Variants in ANKDD1B observed in about 807,000 individuals in gnomAD.
ANKDD1B encodes the protein ankyrin repeat and death domain containing 1B, also known as ankyrin repeat and death domain-containing protein 1B.
Under a neutral mutation model 59.7 loss-of-function variants are expected in ANKDD1B, and 57 were observed. The ratio of observed to expected loss-of-function variants is 0.95; its 90% CI spans 0.77 to 1.19. The LOEUF (loss-of-function observed/expected upper bound fraction) is 1.19, where lower values mean the gene tolerates loss of function less well. ANKDD1B is among the 50% of genes most tolerant of loss of function. The probability of loss-of-function intolerance (pLI) is 0.00; values close to 1 mark genes in which losing one functional copy is unlikely to be tolerated. For missense variants in ANKDD1B, 602 were observed against 641.9 expected, an observed-to-expected ratio of 0.94 and a Z score of 0.67; for synonymous variants, 216 against 239.5, an observed-to-expected ratio of 0.90 and a Z score of 0.91.
intron 7 of ANKDD1B, among the ~76,000 whole-genome samples, chr5:75,647,433 T>C (rs1459877812): frequency 7.8e-6 from 1 of 127,478 alleles, no homozygotes; most frequent in Admixed American, 7.3e-5. Flanking sequence ...CATCAAAAAG[T>C]GGGCAAAGGA....
rs1348830577 is a variant in ANKDD1B, at chr5:75,669,281, AGG to A, written c.1425_1426del (p.Arg475SerfsTer15). 8.1e-7 allele frequency: 1 copy of A among 1,232,044 alleles called. No homozygotes were observed. The highest frequency in any genetic ancestry group is 1.0e-6 in the Non-Finnish European group (1 of 987,970). The allele number at this position is 1,232,044 out of a possible 1,614,324, so 76.3% of individuals were successfully genotyped here. On this transcript the variant is annotated frameshift_variant, in exon 13 of 14. Transcript: ENST00000601380. LOFTEE classifies it high-confidence loss of function. Reference sequence around the variant, plus strand: ...TGAAAGCTTCCGTGAACATGGCCACAGGGCTCTGCTTATCTGGCTACACGGGA... The same window carrying A: ...TGAAAGCTTCCGTGAACATGGCCACAGCTCTGCTTATCTGGCTACACGGGA... The part of the protein sequence containing the change: ...GNESFREHGH[R>X]ALLIWLHGTL...
At chr5:75,649,343 C>A (rs1774758707) in intron 7 of ANKDD1B, among the ~76,000 whole-genome samples, 1 of 150,540 alleles carries the variant, frequency 6.6e-6, no homozygotes, top group African/African-American at 2.5e-5. Flanking sequence ...TGAAAAAATG[C>A]AACCTACAAA....
intron 5 of ANKDD1B, among the ~76,000 whole-genome samples, chr5:75,627,756 C>T (rs10060260): frequency 0.21 from 31,243 of 152,010 alleles, 3,329 homozygotes; most frequent in South Asian, 0.39. Flanking sequence ...GCCCTGATTG[C>T]TTCCATGAAA....
chr5:75,658,083 G>GC (rs1775021327), intron 9 of ANKDD1B, among the ~76,000 whole-genome samples: 1 of 151,862 alleles, frequency 6.6e-6, no homozygotes. Context: ...TGTAGTCTCA[G>GC]CTACTCAGGA....
At chr5:75,660,674 A>G (rs1286472204) in intron 10 of ANKDD1B, among the ~76,000 whole-genome samples, 1 of 152,228 alleles carries the variant, frequency 6.6e-6, no homozygotes, top group Non-Finnish European at 1.5e-5. Context: ...CCCTGGGTAC[A>G]GTCCTGTCAG....
rs1773563899 is a variant in ANKDD1B at position 75,611,748 on chromosome 5, G to T, written c.114G>T (p.Leu38=). ...LREDLWGAAA[L]PWRSLSRIPK... The stretch of plus-strand genomic sequence containing the variant: ...AAGACCTGTGGGGCGCGGCCGCCCT[G>T]CCTTGGAGGAGCCTGTCCCGGATCC... Residue 38 remains leucine, a synonymous_variant, in exon 1 of 14, where the codon CTG becomes CTT. Transcript: ENST00000601380. 1.6e-6 allele frequency: 2 copies of T among 1,231,932 alleles called. No homozygotes were observed. The highest frequency in any genetic ancestry group is 4.2e-5 in the Admixed American group (1 of 23,712). The allele number at this position is 1,231,932 out of a possible 1,614,324, so 76.3% of individuals were successfully genotyped here. A position where few individuals can be genotyped will look rare whatever the true frequency, so the allele number is the denominator to read the frequency against.
chr5:75,620,499 C>A, intron 3 of ANKDD1B, 86 bp downstream of exon 3: 2 of 705,240 alleles, frequency 2.8e-6, no homozygotes, highest in Admixed American at 2.8e-5. Flanking sequence ...CTTTTCTTCA[C>A]ATACACACAA....
At chr5:75,627,077 C>G (rs137909595) in intron 5 of ANKDD1B, among the ~76,000 whole-genome samples, 136 of 152,256 alleles carry the variant, frequency 8.9e-4, no homozygotes, top group Middle Eastern at 3.4e-3. Context: ...TTGACTTCCT[C>G]TACATATGAT....
chr5:75,635,626 A>G (rs1774278566), intron 6 of ANKDD1B, 158 bp from the exon 7 acceptor site: 1 of 417,214 alleles, frequency 2.4e-6, no homozygotes, highest in Non-Finnish European at 4.2e-6. Flanking sequence ...TTAAAAATGT[A>G]TAAATTTCAC....
intron 5 of ANKDD1B, among the ~76,000 whole-genome samples, chr5:75,634,158 C>T (rs1774235752): frequency 6.6e-6 from 1 of 152,166 alleles, no homozygotes; most frequent in Non-Finnish European, 1.5e-5. Context: ...AGGTCTTTCA[C>T]TTTTCTTGAT....
At chr5:75,628,828 C>T (rs746872059) in intron 5 of ANKDD1B, among the ~76,000 whole-genome samples, 2 of 152,168 alleles carry the variant, frequency 1.3e-5, no homozygotes, top group Admixed American at 6.5e-5. Context: ...GAGATTAGAG[C>T]AGCCAGGAGT....
chr5:75,654,464 C>G (rs1307321151), intron 8 of ANKDD1B, among the ~76,000 whole-genome samples: 1 of 152,120 alleles, frequency 6.6e-6, no homozygotes, highest in Non-Finnish European at 1.5e-5. Flanking sequence ...GTGTTTAAAA[C>G]AGAGTATAAA....
chr5:75,628,131 G>A (rs924452), intron 5 of ANKDD1B, among the ~76,000 whole-genome samples: 40,728 of 151,988 alleles, frequency 0.27, 5,862 homozygotes, highest in South Asian at 0.43. Context: ...AGAAAACACA[G>A]AAAAAATCTA....
intron 5 of ANKDD1B, among the ~76,000 whole-genome samples, chr5:75,630,946 T>A (rs975668154): frequency 6.6e-6 from 1 of 152,234 alleles, no homozygotes; most frequent in Admixed American, 6.5e-5. Context: ...TGTCATTAAA[T>A]GTTTATATAT....
At position 75,669,264 on chromosome 5, in the gene ANKDD1B, T is replaced by G; in HGVS notation, c.1406T>G (p.Phe469Cys). 1 of 1,232,108 alleles carries G rather than the reference T, an allele frequency of 8.1e-7. No individual in the cohort carries two copies. Among genetic ancestry groups the G allele is most frequent in the Admixed American group, 4.2e-5 (1 of 23,714 alleles). 76.3% of individuals were successfully genotyped at this position (1,232,108 alleles called of 1,614,324 possible). ...IEEQWSGNES[F>C]REHGHRALLI... is the part of the protein sequence containing the mutation. ...GTGCTTGGCACAGGAAATGAAAGCT[T>G]CCGTGAACATGGCCACAGGGCTCTG... is the stretch of plus-strand genomic sequence containing the variant. Residue 469 changes from phenylalanine (F) to cysteine (C), a missense_variant, in exon 13 of 14, where the codon TTC becomes TGC. Around this residue, in one of 3 missense-constraint regions of ANKDD1B, gnomAD observed 280 missense variants for 319.8 expected, o/e 0.88. Transcript: ENST00000601380.
At chr5:75,651,524 G>A (rs570618446) in intron 7 of ANKDD1B, among the ~76,000 whole-genome samples, 1 of 152,288 alleles carries the variant, frequency 6.6e-6, no homozygotes, top group South Asian at 2.1e-4. Context: ...AGATGATGAG[G>A]GAAGCTGCAA....
intron 9 of ANKDD1B, among the ~76,000 whole-genome samples, chr5:75,658,748 T>C (rs938757887): frequency 2.0e-5 from 3 of 152,224 alleles, no homozygotes; most frequent in African/African-American, 7.2e-5. Context: ...AAAGCGTCTT[T>C]TATTTTTAAA....
intron 7 of ANKDD1B, among the ~76,000 whole-genome samples, chr5:75,641,699 G>A (rs781627137): frequency 4.6e-5 from 7 of 152,088 alleles, no homozygotes; most frequent in South Asian, 2.1e-4. Flanking sequence ...ATTTAAACAC[G>A]CAAGAATAAA....
chr5:75,659,717 C>A (rs16872720), intron 10 of ANKDD1B, among the ~76,000 whole-genome samples: 10,174 of 152,176 alleles, frequency 0.067, 536 homozygotes, highest in South Asian at 0.17. Flanking sequence ...CCATACTACC[C>A]CGCTTATATA....
Sources: gnomAD v4.1 joint callset for allele counts (sites outside exome capture counted in the v4.1 genomes callset) on GRCh38, gnomAD v4.1.1 for gene constraint, gnomAD v4.1.1 regional missense constraint, MANE v1.5 for transcripts, NCBI Gene and HGNC (gene_info 2026-07-23, HGNC 2026-07-21) for gene names.